Variants in TBC1D15 observed in about 807,000 individuals in gnomAD.
TBC1D15 encodes GAP for RAB7.
TBC1D15 carries 39 observed loss-of-function variants against 95.4 expected under a neutral mutation model. That is an observed-to-expected ratio of 0.41 (90% confidence interval 0.32 to 0.53). The LOEUF is 0.53. TBC1D15 is among the 20% of genes least tolerant of loss of function. TBC1D15 has a pLI of 0.29. For synonymous variants in TBC1D15, 258 were observed against 261.3 expected (o/e 0.99, Z 0.12); for missense variants, 733 against 794.3 (o/e 0.92, Z 0.93).
At chr12:71,894,484 T>A in intron 6 of TBC1D15, 1 of 1,294,832 alleles carries the variant, frequency 7.7e-7, no homozygotes, top group Non-Finnish European at 1.1e-6. Flanking sequence ...ATTATGCTAT[T>A]TTAACCAAAT....
chr12:71,840,708 C>T (rs1030008088), intron 1 of TBC1D15, among the ~76,000 whole-genome samples: 1 of 152,148 alleles, frequency 6.6e-6, no homozygotes, highest in Admixed American at 6.5e-5. Flanking sequence ...CAGATAGCGT[C>T]CTCTGTTCCT....
At chr12:71,906,203 A>C (rs1395786272) in intron 10 of TBC1D15, among the ~76,000 whole-genome samples, 2 of 152,138 alleles carry the variant, frequency 1.3e-5, no homozygotes, top group Non-Finnish European at 2.9e-5. Context: ...GTTTTGAGAA[A>C]GTTTTCAGGT....
intron 1 of TBC1D15, among the ~76,000 whole-genome samples, chr12:71,868,447 C>T (rs1452517980): frequency 3.3e-5 from 5 of 151,932 alleles, no homozygotes; most frequent in Admixed American, 6.6e-5. Flanking sequence ...GAGGTTTCAC[C>T]GTGTTAGCCA....
intron 7 of TBC1D15, 46 bp downstream of exon 7, chr12:71,894,929 G>T (rs764183637): frequency 1.9e-5 from 29 of 1,538,536 alleles, no homozygotes; most frequent in Non-Finnish European, 2.7e-6. Flanking sequence ...TTTAACAGGA[G>T]AACATGTACT....
chr12:71,885,920 G>A (rs1328359602), intron 5 of TBC1D15, among the ~76,000 whole-genome samples: 1 of 152,176 alleles, frequency 6.6e-6, no homozygotes, highest in Admixed American at 6.5e-5. Flanking sequence ...TTACAGGTCT[G>A]CAAAGTATGA....
At chr12:71,907,223 A>G (rs1394962204) in intron 11 of TBC1D15, 85 bp downstream of exon 11, 3 of 755,268 alleles carry the variant, frequency 4.0e-6, no homozygotes, top group Non-Finnish European at 6.1e-6. Context: ...GACATGGGTA[A>G]TAGCTTTGTA....
intron 1 of TBC1D15, among the ~76,000 whole-genome samples, chr12:71,842,566 C>G (rs940833251): frequency 6.6e-6 from 1 of 152,096 alleles, no homozygotes; most frequent in Non-Finnish European, 1.5e-5. Flanking sequence ...TGCCGTGGCT[C>G]AGGCCTGTAA....
chr12:71,913,870 G>A lies in TBC1D15; in HGVS notation c.1345G>A (p.Val449Met), dbSNP rs1330293147. 1.9e-6 allele frequency: 3 copies of A among 1,593,846 alleles called. No individual in the cohort carries two copies. Among genetic ancestry groups the A allele is most frequent in the Admixed American group, 3.6e-5 (2 of 54,886 alleles). ...MSDLLSPLLYVMENEVDAFWC... is the reference protein window; with the variant it reads ...MSDLLSPLLYMMENEVDAFWC... ...TGATTTACTTTCCCCTCTTTTATAT[G>A]TGATGGAAAATGAAGTGGATGCCTT... Residue 449 changes from valine to methionine, a missense_variant, in exon 12 of 17, where the codon GTG (valine) becomes ATG (methionine). Val to Met is a conservative substitution (Grantham distance 21). Transcript: ENST00000485960.
intron 7 of TBC1D15, 42 bp from the exon 8 acceptor site, chr12:71,895,905 C>G: frequency 1.3e-6 from 2 of 1,564,762 alleles, no homozygotes; most frequent in Non-Finnish European, 1.7e-6. Flanking sequence ...TTTCATTTCA[C>G]TGGTTAAATA....
At chr12:71,880,164 C>A (rs1307311588) in intron 3 of TBC1D15, among the ~76,000 whole-genome samples, 1 of 151,588 alleles carries the variant, frequency 6.6e-6, no homozygotes, top group Admixed American at 6.6e-5. Context: ...TGGTTACATT[C>A]AAAGCAGGAA....
rs1274193669 is a variant in TBC1D15 at position 71,865,624 on chromosome 12, C to T, written c.31-6446C>T. Reference sequence around the variant, plus strand: ...GGAATAGCACAGTGATGACTTTATTCCCCAGGGAGAGGAGTATCTCAGCAG... The same window carrying T: ...GGAATAGCACAGTGATGACTTTATTTCCCAGGGAGAGGAGTATCTCAGCAG... On this transcript the variant is annotated intron_variant, in intron 1 of 16. Transcript: ENST00000485960. Among the ~76,000 whole-genome samples the T allele has an allele frequency of 2.0e-5, 3 of 152,086 alleles. No individual in the cohort carries two copies. In the East Asian group the frequency reaches 5.8e-4, roughly 29 times the overall value.
chr12:71,912,440 TGTG>T (rs143111032), intron 11 of TBC1D15, among the ~76,000 whole-genome samples: 168 of 152,212 alleles, frequency 1.1e-3, no homozygotes, highest in African/African-American at 3.7e-3. Context: ...TGTGGAAAGA[TGTG>T]GTGGTAAGAT....
At chr12:71,849,319 AAGGAGGCT>A in intron 1 of TBC1D15, 1 of 1,115,472 alleles carries the variant, frequency 9.0e-7, no homozygotes, top group Non-Finnish European at 1.4e-6. Flanking sequence ...CTTTTTAGGT[AAGGAGGCT>A]ATCATAGGAG....
At chr12:71,895,779 A>T (rs1443385881) in intron 7 of TBC1D15, among the ~76,000 whole-genome samples, 168 bp from the exon 8 acceptor site, 3 of 152,172 alleles carry the variant, frequency 2.0e-5, no homozygotes, top group Non-Finnish European at 4.4e-5. Flanking sequence ...AGGGAAATAC[A>T]TGTAATGCTA....
chr12:71,902,412 A>C (rs149340890), intron 10 of TBC1D15, among the ~76,000 whole-genome samples: 2 of 152,340 alleles, frequency 1.3e-5, no homozygotes, highest in Non-Finnish European at 2.9e-5. Flanking sequence ...TAGAGAACCC[A>C]AAAATAAAGC....
chr12:71,905,436 C>T (rs1413102159), intron 10 of TBC1D15, among the ~76,000 whole-genome samples: 1 of 152,122 alleles, frequency 6.6e-6, no homozygotes, highest in Non-Finnish European at 1.5e-5. Flanking sequence ...GATGGTTCTC[C>T]AACCTCAGCC....
intron 11 of TBC1D15, among the ~76,000 whole-genome samples, chr12:71,911,912 G>T (rs143628584): frequency 6.6e-6 from 1 of 152,206 alleles, no homozygotes; most frequent in East Asian, 1.9e-4. Flanking sequence ...AAGACTTAAA[G>T]GATTAAATTG....
intron 1 of TBC1D15, among the ~76,000 whole-genome samples, chr12:71,858,488 C>CT (rs57589434): frequency 0.3 from 39,557 of 130,544 alleles, 6,960 homozygotes; most frequent in East Asian, 0.6. Flanking sequence ...TGCTGATTTT[C>CT]TTTTTTTTTT....
At chr12:71,884,431 A>G (rs11610750) in intron 4 of TBC1D15, among the ~76,000 whole-genome samples, 13,982 of 152,072 alleles carry the variant, frequency 0.092, 711 homozygotes, top group South Asian at 0.15. Flanking sequence ...AATTATCTCC[A>G]TTTTACAAAT....
Sources: gnomAD v4.1 joint callset for allele counts (sites outside exome capture counted in the v4.1 genomes callset) on GRCh38, gnomAD v4.1.1 for gene constraint, MANE v1.5 for transcripts, NCBI Gene and HGNC (gene_info 2026-07-23, HGNC 2026-07-21) for gene names.